TEX11: variants seen among roughly 807,000 people sequenced by gnomAD.
TEX11 encodes testis-expressed protein 11.
TEX11 carries 7 observed loss-of-function variants against 84.4 expected under a neutral mutation model. The ratio of observed to expected loss-of-function variants is 0.08; its 90% confidence interval spans 0.05 to 0.16. The LOEUF (loss-of-function observed/expected upper bound fraction) is 0.16, where lower values mean the gene tolerates loss of function less well. Ranked by LOEUF, TEX11 falls within the 10% of genes least tolerant of loss-of-function variation. TEX11 has a pLI of 1.00. For synonymous variants in TEX11, 264 were observed against 222.8 expected, an observed-to-expected ratio of 1.18 and a Z score of -1.64; for missense variants, 551 against 660.5, an observed-to-expected ratio of 0.83 and a Z score of 1.82.
intron 25 of TEX11, among the ~76,000 whole-genome samples, chrX:70,572,646 G>A (rs1280976077): frequency 6.3e-5 from 7 of 110,387 alleles, no homozygotes; most frequent in African/African-American, 1.3e-4. Flanking sequence ...TGTGGCACAT[G>A]TACACCATGG....
At chrX:70,803,891 T>C (rs763108590) in intron 9 of TEX11, among the ~76,000 whole-genome samples, 3 of 112,176 alleles carry the variant, frequency 2.7e-5, no homozygotes, top group Non-Finnish European at 5.6e-5. Context: ...ACACCTGTAA[T>C]TCCAGCAGTT....
intron 9 of TEX11, among the ~76,000 whole-genome samples, chrX:70,785,208 C>T (rs2091070082): frequency 9.0e-6 from 1 of 111,559 alleles, no homozygotes; most frequent in South Asian, 3.7e-4. Context: ...ACAAACCTGA[C>T]AAAAACAAGA....
intron 2 of TEX11, among the ~76,000 whole-genome samples, chrX:70,904,718 T>C (rs1376178166): frequency 8.9e-6 from 1 of 111,835 alleles, no homozygotes; most frequent in Non-Finnish European, 1.9e-5. Context: ...ATTGAGCACT[T>C]GAAATGTGGC....
At chrX:70,743,611 C>G (rs1602089851) in intron 10 of TEX11, among the ~76,000 whole-genome samples, 1 of 111,302 alleles carries the variant, frequency 9.0e-6, no homozygotes, top group Non-Finnish European at 1.9e-5. Context: ...CACGGTAGCT[C>G]ACTCCTGTAA....
intron 13 of TEX11, among the ~76,000 whole-genome samples, chrX:70,707,026 T>A (rs904607738): frequency 9.0e-6 from 1 of 111,195 alleles, no homozygotes; most frequent in Non-Finnish European, 1.9e-5. Flanking sequence ...ATAAAACTTA[T>A]GCTAAATCCT....
At chrX:70,626,602 AT>A (rs752217829) in intron 18 of TEX11, among the ~76,000 whole-genome samples, 3 of 111,134 alleles carry the variant, frequency 2.7e-5, no homozygotes, top group Non-Finnish European at 3.8e-5. Context: ...TTGTTCCTTG[AT>A]TTTCCTGCCC....
intron 17 of TEX11, among the ~76,000 whole-genome samples, chrX:70,634,200 A>G (rs1365760853): frequency 1.8e-5 from 2 of 111,946 alleles, no homozygotes; most frequent in Non-Finnish European, 3.8e-5. Context: ...AGTAGAAAAC[A>G]TTGCTGAGAG....
chrX:70,635,182 G>A (rs2089556567), intron 17 of TEX11, among the ~76,000 whole-genome samples: 1 of 112,175 alleles, frequency 8.9e-6, no homozygotes, highest in African/African-American at 3.2e-5. Flanking sequence ...ATTGAAGAGT[G>A]TAGGAACAAC....
At chrX:70,710,777 G>C (rs2090422733) in intron 13 of TEX11, among the ~76,000 whole-genome samples, 1 of 110,576 alleles carries the variant, frequency 9.0e-6, no homozygotes, top group Admixed American at 9.6e-5. Flanking sequence ...GATTCACTGA[G>C]AAAGATATAG....
At chrX:70,678,702 A>T (rs1256779249) in intron 15 of TEX11, 102 bp downstream of exon 15, 2 of 607,568 alleles carry the variant, frequency 3.3e-6, no homozygotes, top group Admixed American at 6.9e-5. Context: ...CTAAACAGAC[A>T]GAGATTATTG....
chrX:70,715,794 C>G (rs2090493528), intron 13 of TEX11, among the ~76,000 whole-genome samples: 1 of 112,307 alleles, frequency 8.9e-6, no homozygotes, highest in African/African-American at 3.2e-5. Flanking sequence ...CTCCACTTGT[C>G]AAAGTCATTC....
At chrX:70,886,343 A>G (rs1252600057) in intron 2 of TEX11, among the ~76,000 whole-genome samples, 1 of 112,208 alleles carries the variant, frequency 8.9e-6, no homozygotes, top group East Asian at 2.8e-4. Context: ...GCTAGTCACA[A>G]GACAAATACT....
Position 70,648,920 on chromosome X carries a change from A to G in TEX11, c.1483+2530T>C, listed in dbSNP as rs181496537. Among the ~76,000 whole-genome samples the G allele has an allele frequency of 4.3e-3, 451 of 105,423 alleles. 11 individuals carry two copies. In the East Asian group the frequency reaches 0.09, roughly 21 times the overall value. The allele number at this position is 105,423 out of a possible 115,157, so 91.5% of individuals were successfully genotyped here. ...GTGTGTTGTTCCCCTTCCTGTGTCC[A>G]TGTGTTCTCATTGTTCATCTCCCTC... On this transcript the variant is annotated intron_variant, in intron 17 of 29. Transcript: ENST00000374333.
chrX:70,860,241 T>C (rs2091561709), intron 5 of TEX11, among the ~76,000 whole-genome samples: 1 of 111,734 alleles, frequency 8.9e-6, no homozygotes. Context: ...TTATATATGA[T>C]ACAGGATTTA....
At chrX:70,526,984 A>C (rs942795911), downstream of TEX11, among the ~76,000 whole-genome samples, 8 of 112,208 alleles carry the variant, frequency 7.1e-5, no homozygotes, top group African/African-American at 2.6e-4. Flanking sequence ...CATTTAATAA[A>C]ACAGGAATCC....
intron 13 of TEX11, among the ~76,000 whole-genome samples, chrX:70,710,381 A>C (rs1003788996): frequency 9.0e-6 from 1 of 111,702 alleles, no homozygotes; most frequent in African/African-American, 3.2e-5. Flanking sequence ...GGTTAGGAGT[A>C]AAAGTAACTT....
chrX:70,574,689 A>C (rs1236336404), intron 25 of TEX11, among the ~76,000 whole-genome samples: 2 of 112,112 alleles, frequency 1.8e-5, no homozygotes, highest in African/African-American at 6.5e-5. Context: ...CAAGACAGAC[A>C]ACTTTTCTGC....
intron 7 of TEX11, among the ~76,000 whole-genome samples, chrX:70,840,308 G>C (rs1421441886): frequency 3.6e-5 from 4 of 111,837 alleles, no homozygotes; most frequent in African/African-American, 1.3e-4. Context: ...AGCCAGAAGA[G>C]AGTGGGGACC....
At chrX:70,778,114 A>G (rs1489874061) in intron 9 of TEX11, among the ~76,000 whole-genome samples, 1 of 112,086 alleles carries the variant, frequency 8.9e-6, no homozygotes, top group Non-Finnish European at 1.9e-5. Flanking sequence ...ATCAGAAAAA[A>G]ATAGAATTTA....
Sources: allele counts gnomAD v4.1 joint callset (sites outside exome capture counted in the v4.1 genomes callset), GRCh38; gene constraint gnomAD v4.1.1; transcripts MANE v1.5; gene names NCBI Gene and HGNC (gene_info 2026-07-23, HGNC 2026-07-21).